Variants in KCNG2 observed in about 807,000 individuals in gnomAD.
KCNG2 encodes voltage-gated potassium channel regulatory subunit KCNG2.
KCNG2 carries 7 observed loss-of-function variants against 12.3 expected under a neutral mutation model. The observed-to-expected ratio is 0.57, with a 90% CI of 0.32 to 1.07. The LOEUF (loss-of-function observed/expected upper bound fraction) is 1.07. Among genes scored for constraint, KCNG2 ranks in the 50% least tolerant of loss-of-function variants. KCNG2 has a pLI of 0.04. For missense variants in KCNG2, 703 were observed against 726.0 expected, an observed-to-expected ratio of 0.97 and a Z score of 0.36; for synonymous variants, 414 against 351.4, an observed-to-expected ratio of 1.18 and a Z score of -1.99.
At chr18:79,896,833 G>A (rs1054703885) in intron 3 of KCNG2, among the ~76,000 whole-genome samples, 1 of 152,152 alleles carries the variant, frequency 6.6e-6, no homozygotes, top group African/African-American at 2.4e-5. Context: ...TCATTTTTCA[G>A]CAGTAACTTT....
chr18:79,821,714 C>T (rs1219841052), intron 1 of KCNG2, among the ~76,000 whole-genome samples: 1 of 152,182 alleles, frequency 6.6e-6, no homozygotes, highest in Non-Finnish European at 1.5e-5. Flanking sequence ...ATGGTCCTGG[C>T]ACTCTTTTCC....
chr18:79,812,166 C>G (rs1279911474), intron 1 of KCNG2, among the ~76,000 whole-genome samples: 1 of 152,036 alleles, frequency 6.6e-6, no homozygotes, highest in Non-Finnish European at 1.5e-5. Flanking sequence ...AAATAACATG[C>G]CTTAAAATTA....
chr18:79,898,618 C>T (rs1257903537), intron 3 of KCNG2, among the ~76,000 whole-genome samples: 9 of 152,210 alleles, frequency 5.9e-5, no homozygotes, highest in African/African-American at 2.2e-4. Context: ...AGCCATTCCA[C>T]GTGGCGTCTC....
intron 2 of KCNG2, among the ~76,000 whole-genome samples, chr18:79,863,383 G>T (rs1371759366): frequency 6.6e-6 from 1 of 152,256 alleles, no homozygotes; most frequent in Non-Finnish European, 1.5e-5. Flanking sequence ...TAAGAACCCG[G>T]CTGTTCCCTT....
At chr18:79,802,081 A>G (rs1444782241) in intron 1 of KCNG2, among the ~76,000 whole-genome samples, 2 of 152,232 alleles carry the variant, frequency 1.3e-5, no homozygotes, top group Non-Finnish European at 2.9e-5. Flanking sequence ...GCGTTTTCAT[A>G]GTGAGATGGA....
At chr18:79,853,731 G>A (rs988188036) in intron 1 of KCNG2, among the ~76,000 whole-genome samples, 9 of 152,372 alleles carry the variant, frequency 5.9e-5, no homozygotes, top group South Asian at 2.1e-4. Context: ...GGACTCTGGC[G>A]GAAGGCCTGA....
chr18:79,864,867 G>A (rs1979399901), intron 3 of KCNG2, among the ~76,000 whole-genome samples: 1 of 150,538 alleles, frequency 6.6e-6, no homozygotes, highest in Non-Finnish European at 1.5e-5. Flanking sequence ...GCTGAGGTTT[G>A]GGTGCTGAGG....
At chr18:79,866,913 AGAGGTCTGGGTGCT>A (rs1400872163) in intron 3 of KCNG2, among the ~76,000 whole-genome samples, 17 of 139,778 alleles carry the variant, frequency 1.2e-4, no homozygotes, top group South Asian at 4.7e-4. Flanking sequence ...CTGTTTTCCG[AGAGGTCTGGGTGCT>A]GAGGTCTGGG....
intron 3 of KCNG2, among the ~76,000 whole-genome samples, chr18:79,874,616 C>T (rs1196434285): frequency 6.6e-6 from 1 of 152,244 alleles, no homozygotes; most frequent in Non-Finnish European, 1.5e-5. Flanking sequence ...TAAGCTTCCC[C>T]TTGGGTTCAG....
chr18:79,882,114 T>C (rs534760100), intron 3 of KCNG2, among the ~76,000 whole-genome samples: 7 of 152,212 alleles, frequency 4.6e-5, no homozygotes, highest in African/African-American at 9.6e-5. Context: ...GAAGAAAACA[T>C]AGAGGTGGCC....
intron 1 of KCNG2, among the ~76,000 whole-genome samples, chr18:79,829,675 G>A (rs1431163992): frequency 1.3e-5 from 2 of 151,870 alleles, no homozygotes; most frequent in African/African-American, 2.4e-5. Context: ...CCCTGTGTCC[G>A]GTGGGCCTCT....
intron 3 of KCNG2, among the ~76,000 whole-genome samples, chr18:79,872,618 G>A (rs1015624672): frequency 5.3e-5 from 8 of 152,108 alleles, no homozygotes; most frequent in African/African-American, 1.9e-4. Flanking sequence ...CCAGGTCTCC[G>A]GTCTCTCTTC....
chr18:79,865,523 A>AGG (rs1979460962), intron 3 of KCNG2, among the ~76,000 whole-genome samples: 1 of 72,248 alleles, frequency 1.4e-5, no homozygotes, highest in East Asian at 4.9e-4. Context: ...CTGGGTGCTG[A>AGG]GGTCTGTGTG....
intron 1 of KCNG2, among the ~76,000 whole-genome samples, chr18:79,838,038 T>C (rs983332651): frequency 2.0e-5 from 3 of 152,162 alleles, no homozygotes; most frequent in African/African-American, 7.2e-5. Flanking sequence ...CTTCTTCACA[T>C]GGTGGCAGGA....
In KCNG2 at chr18:79,891,620, C is replaced by T. The variant is rs1980747784; in HGVS notation, c.625-7420C>T. On this transcript the variant is annotated intron_variant, in intron 3 of 3. Coordinates refer to ENST00000316249, the MANE Select transcript of KCNG2 (RefSeq NM_012283.2). ...TCCAAGTCTGACTGCCTTCTGATTT[C>T]TTGGTTGGCCTCTTTGATTATCTAG... Among the ~76,000 whole-genome samples, 6 of 152,318 alleles carry T rather than the reference C, an allele frequency of 3.9e-5. No individual in the cohort carries two copies. The South Asian group carries it at 1.2e-3, about 32-fold the overall frequency.
chr18:79,869,846 C>T (rs1015437105), intron 3 of KCNG2, among the ~76,000 whole-genome samples: 4 of 152,234 alleles, frequency 2.6e-5, no homozygotes, highest in African/African-American at 9.6e-5. Context: ...GGAGAGGTCA[C>T]CAGTGGTCAC....
At chr18:79,860,872 G>C (rs1979188667) in intron 2 of KCNG2, among the ~76,000 whole-genome samples, 1 of 152,150 alleles carries the variant, frequency 6.6e-6, no homozygotes, top group African/African-American at 2.4e-5. Flanking sequence ...ATGAGAGCAG[G>C]TATTTCAGTC....
chr18:79,888,589 G>C (rs968303791), intron 3 of KCNG2, among the ~76,000 whole-genome samples: 1 of 152,210 alleles, frequency 6.6e-6, no homozygotes, highest in Non-Finnish European at 1.5e-5. Context: ...GCCGCTGTGC[G>C]GTTCTCATTC....
At chr18:79,835,615 G>A (rs1461008126) in intron 1 of KCNG2, among the ~76,000 whole-genome samples, 1 of 152,206 alleles carries the variant, frequency 6.6e-6, no homozygotes, top group African/African-American at 2.4e-5. Flanking sequence ...GAATGGTAGA[G>A]GGGAAACATG....
Sources: allele counts gnomAD v4.1 joint callset (sites outside exome capture counted in the v4.1 genomes callset), GRCh38; gene constraint gnomAD v4.1.1; transcripts MANE v1.5; gene names NCBI Gene and HGNC (gene_info 2026-07-23, HGNC 2026-07-21).